TRAF3IP2: variants seen among roughly 807,000 people sequenced by gnomAD.
The protein encoded by TRAF3IP2 is TRAF3 interacting protein 2.
Under a neutral mutation model 57.9 loss-of-function variants are expected in TRAF3IP2, and 35 were observed. That is an observed-to-expected ratio of 0.60 (90% CI 0.46 to 0.80). The LOEUF is 0.80. Ranked by LOEUF, TRAF3IP2 falls within the 30% of genes least tolerant of loss-of-function variation. The pLI is 0.00. For missense variants in TRAF3IP2, 556 were observed against 706.4 expected (o/e 0.79, Z 2.41); for synonymous variants, 251 against 268.9 (o/e 0.93, Z 0.65).
chr6:111,560,593 A>C (rs1039232782), intron 8 of TRAF3IP2, among the ~76,000 whole-genome samples: 3 of 152,248 alleles, frequency 2.0e-5, no homozygotes, highest in Non-Finnish European at 4.4e-5. Flanking sequence ...TGAGGACTTC[A>C]AATCTTAGGA....
rs1453938213 is a variant in TRAF3IP2 at position 111,557,595 on chromosome 6, A to G, written c.*1810T>C. 3 of 150,870 alleles carry G rather than the reference A, an allele frequency of 2.0e-5. No individual in the cohort carries two copies. The highest frequency in any genetic ancestry group is 7.3e-5 in the African/African-American group (3 of 41,150). 9.3% of individuals were successfully genotyped at this position (150,870 alleles called of 1,614,324 possible). A position where few individuals can be genotyped will look rare whatever the true frequency, so the allele number is the denominator to read the frequency against. ...CAGGCGCCTGCCACCACGCCCGGCT[A>G]TTTTTTTTGTATTTTTAGTAGAGAT... On this transcript the variant is annotated 3_prime_UTR_variant, in exon 9 of 9. Coordinates refer to ENST00000368761, the MANE Select transcript of TRAF3IP2 (RefSeq NM_147686.4).
rs1795206955 is a variant in TRAF3IP2, at chr6:111,555,409, G to A, written c.*3996C>T. Among the ~76,000 whole-genome samples the A allele has an allele frequency of 1.3e-5, 2 of 152,140 alleles. No homozygotes were observed. Among genetic ancestry groups the A allele is most frequent in the African/African-American group, 4.8e-5 (2 of 41,526 alleles). ...CTTTAAAGAGGTGATTTATTTAACA[G>A]GAAACAAAGAAAAAGGTATCAACAG... On this transcript the variant is annotated 3_prime_UTR_variant, in exon 9 of 9. Coordinates refer to ENST00000368761, the MANE Select transcript of TRAF3IP2 (RefSeq NM_147686.4).
rs79858430 is a variant in TRAF3IP2, at chr6:111,576,064, C to G, written c.1023-243G>C. On this transcript the variant is annotated intron_variant, in intron 3 of 8. Coordinates refer to ENST00000368761, the MANE Select transcript of TRAF3IP2 (RefSeq NM_147686.4). ...AAGAGGGAAGCAGGATTTGATTTCT[C>G]TATTCAAGATTTGTTTAATTGGAAA... 7.4e-3 allele frequency among the ~76,000 whole-genome samples: 1,132 copies of G among 152,260 alleles called. 32 individuals are homozygous for G. The highest frequency in any genetic ancestry group is 0.053 in the Admixed American group (805 of 15,290).
intron 6 of TRAF3IP2, among the ~76,000 whole-genome samples, 159 bp from the exon 7 acceptor site, chr6:111,566,719 C>A (rs797011070): frequency 6.6e-6 from 1 of 152,170 alleles, no homozygotes; most frequent in African/African-American, 2.4e-5. Context: ...TCCCTTCTGT[C>A]TCCAGCCCAG....
chr6:111,572,247 A>T (rs1795854194), intron 5 of TRAF3IP2, among the ~76,000 whole-genome samples: 1 of 152,114 alleles, frequency 6.6e-6, no homozygotes, highest in Non-Finnish European at 1.5e-5. Context: ...CTGCAGGGGG[A>T]CAGGGGCAGT....
In TRAF3IP2 at chr6:111,587,769, A is replaced by T. The variant is rs150175742; in HGVS notation, c.829+3489T>A. ...TTCAACTTAATCTTTTTGATGTCAG[A>T]ATGTGTATTCAGTGCAACATGGGCC... On this transcript the variant is annotated intron_variant, in intron 2 of 8. Transcript: ENST00000368761. 3.2e-4 allele frequency among the ~76,000 whole-genome samples: 48 copies of T among 152,318 alleles called. 1 individual carries two copies. The highest frequency in any genetic ancestry group is 1.1e-3 in the African/African-American group (46 of 41,562).
At chr6:111,567,337 C>T (rs34659678) in intron 6 of TRAF3IP2, 63,607 of 1,144,794 alleles carry the variant, frequency 0.056, 1,910 homozygotes, top group Middle Eastern at 0.068. Flanking sequence ...CCCCACTCTC[C>T]GCCTTCATTT....
chr6:111,577,008 C>G (rs1796011272), intron 3 of TRAF3IP2: 1 of 151,884 alleles, frequency 6.6e-6, no homozygotes, highest in Non-Finnish European at 1.5e-5. Flanking sequence ...AATAAAATTA[C>G]ACAGAATCTC....
intron 3 of TRAF3IP2, 135 bp downstream of exon 3, chr6:111,580,062 T>C: frequency 3.0e-6 from 3 of 1,005,088 alleles, no homozygotes; most frequent in East Asian, 2.7e-5. Flanking sequence ...AAAGTCTATA[T>C]TGGGCATTCC....
At chr6:111,605,561 T>C (rs1041610760) in intron 1 of TRAF3IP2, among the ~76,000 whole-genome samples, 3 of 152,242 alleles carry the variant, frequency 2.0e-5, no homozygotes, top group Non-Finnish European at 4.4e-5. Context: ...CTCGCTGGCC[T>C]GAAATACTAT....
intron 7 of TRAF3IP2, among the ~76,000 whole-genome samples, chr6:111,565,438 T>C (rs1704599097): frequency 6.6e-6 from 1 of 152,176 alleles, no homozygotes; most frequent in Non-Finnish European, 1.5e-5. Flanking sequence ...CAAGCCTTTT[T>C]AAATCTCAGA....
At chr6:111,601,107 G>C in intron 1 of TRAF3IP2, 1 of 683,070 alleles carries the variant, frequency 1.5e-6, no homozygotes, top group Admixed American at 2.0e-5. Flanking sequence ...AGCACTGACT[G>C]GTTCAGCTAT....
chr6:111,583,051 G>A lies in TRAF3IP2; in HGVS notation c.830-2662C>T, dbSNP rs551750684. Among the ~76,000 whole-genome samples the A allele has an allele frequency of 1.4e-3, 212 of 152,164 alleles. 1 individual carries two copies. The highest frequency in any genetic ancestry group is 4.8e-3 in the African/African-American group (198 of 41,504). On this transcript the variant is annotated intron_variant, in intron 2 of 8. Transcript: ENST00000368761. ...TCCCATTCCCTATTTTGCTTTCTTCGTAGTTCCTATCATGGGTTTGCATAA... is the reference window on the plus strand; with the variant it reads ...TCCCATTCCCTATTTTGCTTTCTTCATAGTTCCTATCATGGGTTTGCATAA...
chr6:111,602,566 C>A (rs1168311821), intron 1 of TRAF3IP2, among the ~76,000 whole-genome samples: 2 of 151,954 alleles, frequency 1.3e-5, no homozygotes, highest in Admixed American at 6.6e-5. Flanking sequence ...GTAGGAGAGA[C>A]ACTTATTTAC....
intron 8 of TRAF3IP2, among the ~76,000 whole-genome samples, chr6:111,562,549 G>A (rs1445043747): frequency 1.3e-5 from 2 of 152,106 alleles, no homozygotes; most frequent in Admixed American, 6.6e-5. Context: ...TCTAAGGATT[G>A]ATAAAGAATT....
intron 7 of TRAF3IP2, among the ~76,000 whole-genome samples, chr6:111,564,398 C>T (rs747119618): frequency 3.3e-5 from 5 of 152,186 alleles, no homozygotes; most frequent in Admixed American, 1.3e-4. Context: ...TCTAGGACTC[C>T]GTATACTGTG....
At chr6:111,597,715 C>A (rs1408164732) in intron 1 of TRAF3IP2, 22 of 388,282 alleles carry the variant, frequency 5.7e-5, no homozygotes, top group Non-Finnish European at 1.0e-5. Flanking sequence ...CACGAGTGGG[C>A]ATGAACTGGG....
In TRAF3IP2 at chr6:111,585,797, A is replaced by T. The variant is rs1271573891; in HGVS notation, c.830-5408T>A. Among the ~76,000 whole-genome samples the T allele has an allele frequency of 3.3e-5, 5 of 152,216 alleles. No homozygotes were observed. The South Asian group carries it at 1.0e-3, about 31-fold the overall frequency. On this transcript the variant is annotated intron_variant, in intron 2 of 8. Coordinates refer to ENST00000368761, the MANE Select transcript of TRAF3IP2 (RefSeq NM_147686.4). ...AACTCCTCAGTTCAGAGGCAGTGTT[A>T]ATCACAAAGCAAAAATGAAAATCTT...
chr6:111,591,604 T>C lies in TRAF3IP2; in HGVS notation c.483A>G (p.Gln161=). 1.9e-6 allele frequency: 3 copies of C among 1,614,200 alleles called. No homozygotes were observed. The highest frequency in any genetic ancestry group is 2.5e-6 in the Non-Finnish European group (3 of 1,180,024). ...AGTCTGCTGAGGCATTAGGTAAACT[T>C]TGGTCTGATTTGTCTGAGTCATGGC... ...DTGHDSDKSD[Q]SLPNASADSL... Residue 161 remains glutamine, a synonymous_variant, in exon 2 of 9, where the codon CAA becomes CAG. Coordinates refer to ENST00000368761, the MANE Select transcript of TRAF3IP2 (RefSeq NM_147686.4). The surrounding 1 kb of genome is among the most constrained non-coding windows in gnomAD (Gnocchi z 4.9).
Sources: allele counts gnomAD v4.1 joint callset (sites outside exome capture counted in the v4.1 genomes callset), GRCh38; gene constraint gnomAD v4.1.1; non-coding constraint Gnocchi (gnomAD v3.1); transcripts MANE v1.5; gene names NCBI Gene and HGNC (gene_info 2026-07-23, HGNC 2026-07-21).